The following TRAPPC6A variants were observed in gnomAD, a reference collection of about 807,000 sequenced individuals.
TRAPPC6A encodes the protein trafficking protein particle complex subunit 6A, also known as TRAPP complex subunit 6A.
Under a neutral mutation model 20.8 loss-of-function variants are expected in TRAPPC6A, and 25 were observed. That is an observed-to-expected ratio of 1.20 (90% confidence interval 0.88 to 1.68). The LOEUF is 1.68. Ranked by LOEUF, TRAPPC6A falls within the 40% of genes most tolerant of loss-of-function variation. The pLI, the probability that TRAPPC6A is intolerant of heterozygous loss-of-function variation, is 0.00. For missense variants in TRAPPC6A, 215 were observed against 211.6 expected (o/e 1.02, Z -0.10); for synonymous variants, 96 against 93.3 (o/e 1.03, Z -0.16).
intron 1 of TRAPPC6A, among the ~76,000 whole-genome samples, chr19:45,177,798 G>C (rs560890091): frequency 1.3e-5 from 2 of 152,252 alleles, no homozygotes; most frequent in East Asian, 3.9e-4. Flanking sequence ...GAGAAAACTA[G>C]GACACACAAA....
rs142087502 is a variant in TRAPPC6A at position 45,170,197 on chromosome 19, A to G, written c.85-5003T>C. The stretch of plus-strand genomic sequence containing the variant: ...TTTCCCCTGCAGGCAAGTGCAGCCA[A>G]CCTGAGGGTCAACGCAGGCCACGTT... On this transcript the variant is annotated intron_variant, in intron 1 of 5. Transcript: ENST00000585934. Among the ~76,000 whole-genome samples, 848 of 152,310 alleles carry G rather than the reference A, an allele frequency of 5.6e-3. 11 individuals carry two copies. Among genetic ancestry groups the G allele is most frequent in the African/African-American group, 0.02 (813 of 41,566 alleles).
At chr19:45,176,396 G>A (rs1186523032) in intron 1 of TRAPPC6A, among the ~76,000 whole-genome samples, 2 of 151,934 alleles carry the variant, frequency 1.3e-5, no homozygotes, top group African/African-American at 2.4e-5. Context: ...CCCAGGAGGC[G>A]GAGCTTGCAG....
intron 1 of TRAPPC6A, among the ~76,000 whole-genome samples, chr19:45,168,196 G>T (rs1318273493): frequency 1.3e-5 from 2 of 151,626 alleles, no homozygotes; most frequent in Non-Finnish European, 2.9e-5. Context: ...GCAGGGACGG[G>T]GTTTCACCAT....
intron 1 of TRAPPC6A, among the ~76,000 whole-genome samples, chr19:45,166,889 G>A (rs1969166384): frequency 6.6e-6 from 1 of 152,158 alleles, no homozygotes; most frequent in Non-Finnish European, 1.5e-5. Flanking sequence ...TCCAGCCCTG[G>A]AGCGGGTCTC....
intron 3 of TRAPPC6A, 118 bp from the exon 4 acceptor site, chr19:45,164,365 G>A (rs1255432086): frequency 1.5e-6 from 1 of 686,798 alleles, no homozygotes; most frequent in Non-Finnish European, 2.5e-6. Context: ...CCCTTCCTGA[G>A]AACCACTGGA....
In TRAPPC6A at chr19:45,164,153, TC is replaced by T; in HGVS notation, c.354+10del. On this transcript the variant is annotated intron_variant, in intron 4 of 5. Coordinates refer to ENST00000585934, the MANE Select transcript of TRAPPC6A (RefSeq NM_001270891.2). ...AGGGAGGTGTGGACAAGGCCCCAGC[TC>T]CCCCCATACCTTGGGTGCTTCCTCC... 6 of 1,595,988 alleles carry T rather than the reference TC, an allele frequency of 3.8e-6. No homozygotes were observed. Among genetic ancestry groups the T allele is most frequent in the Non-Finnish European group, 4.3e-6 (5 of 1,171,714 alleles).
At chr19:45,177,011 T>A (rs921181361) in intron 1 of TRAPPC6A, among the ~76,000 whole-genome samples, 23 of 151,072 alleles carry the variant, frequency 1.5e-4, no homozygotes, top group Admixed American at 2.6e-4. Flanking sequence ...CTAAAAAAAA[T>A]AATAATAATA....
At position 45,163,163 on chromosome 19, in the gene TRAPPC6A, C is replaced by T. The variant is rs1416727581; in HGVS notation, c.*29G>A. The T allele has an allele frequency of 6.2e-7, 1 of 1,613,462 alleles. No homozygotes were observed. Among genetic ancestry groups the T allele is most frequent in the East Asian group, 2.2e-5 (1 of 44,848 alleles). On this transcript the variant is annotated 3_prime_UTR_variant, in exon 6 of 6. Transcript: ENST00000585934. This position sits in a 1 kb window ranked among gnomAD's most constrained non-coding sequence, Gnocchi z 5.3. The stretch of plus-strand genomic sequence containing the variant: ...CTGAGGCCGGTGAGGCCAGGGGCAG[C>T]AGTGCGGCTCAGCAGGTGCGAGGCA...
chr19:45,167,575 C>T (rs1030773057), intron 1 of TRAPPC6A, among the ~76,000 whole-genome samples: 7 of 152,208 alleles, frequency 4.6e-5, no homozygotes, highest in Non-Finnish European at 8.8e-5. Flanking sequence ...CTCTGCCTCC[C>T]GGGTTCAAGT....
At chr19:45,169,948 A>G (rs2122842459) in intron 1 of TRAPPC6A, among the ~76,000 whole-genome samples, 1 of 152,218 alleles carries the variant, frequency 6.6e-6, no homozygotes, top group South Asian at 2.1e-4. Flanking sequence ...CCAGGAGCTC[A>G]CCTACCTTGC....
intron 3 of TRAPPC6A, among the ~76,000 whole-genome samples, 189 bp from the exon 4 acceptor site, chr19:45,164,436 G>T (rs79323322): frequency 0.087 from 13,241 of 152,160 alleles, 850 homozygotes; most frequent in Non-Finnish European, 0.13. Flanking sequence ...TGGAGTGGGT[G>T]CCTGTGCCCT....
intron 3 of TRAPPC6A, 52 bp downstream of exon 3, chr19:45,164,801 C>A: frequency 1.3e-6 from 2 of 1,551,374 alleles, no homozygotes; most frequent in East Asian, 4.5e-5. Context: ...CTCCCACTCT[C>A]TTGGTCTTGC....
At chr19:45,177,191 G>GCACA (rs57127361) in intron 1 of TRAPPC6A, among the ~76,000 whole-genome samples, 17,627 of 147,844 alleles carry the variant, frequency 0.12, 1,136 homozygotes, top group South Asian at 0.16. Flanking sequence ...GCGCGTGCGC[G>GCACA]CACACACACA....
At position 45,163,842 on chromosome 19, in the gene TRAPPC6A, G is replaced by C; in HGVS notation, c.448+74C>G. 2.2e-6 allele frequency: 3 copies of C among 1,333,672 alleles called. No homozygotes were observed. The highest frequency in any genetic ancestry group is 2.5e-5 in the East Asian group (1 of 39,788). The allele number at this position is 1,333,672 out of a possible 1,614,324, so 82.6% of individuals were successfully genotyped here. A position where few individuals can be genotyped will look rare whatever the true frequency, so the allele number is the denominator to read the frequency against. ...GGCCTGCCTCCCAGGCACACACACA[G>C]GAGTGGGGCTGGAACTCTGAAGCCC... On this transcript the variant is annotated intron_variant, in intron 5 of 5. Coordinates refer to ENST00000585934, the MANE Select transcript of TRAPPC6A (RefSeq NM_001270891.2). The surrounding 1 kb of genome is among the most constrained non-coding windows in gnomAD (Gnocchi z 5.3).
chr19:45,170,050 A>G (rs374320190), intron 1 of TRAPPC6A, among the ~76,000 whole-genome samples: 93 of 152,300 alleles, frequency 6.1e-4, no homozygotes, highest in African/African-American at 2.1e-3. Context: ...AGTGCAGTGC[A>G]GAGCCTGCCC....
Position 45,163,121 on chromosome 19 carries a change from A to G in TRAPPC6A, c.*71T>C. ...GATTCCCAAGACCACCCCGAAATGC[A>G]GCGGCCCCACCGTCTCCTGAGGCCG... On this transcript the variant is annotated 3_prime_UTR_variant, in exon 6 of 6. Coordinates refer to ENST00000585934, the MANE Select transcript of TRAPPC6A (RefSeq NM_001270891.2). This position sits in a 1 kb window ranked among gnomAD's most constrained non-coding sequence, Gnocchi z 5.3. The G allele has an allele frequency of 1.9e-6, 3 of 1,581,872 alleles. No homozygotes were observed. In the South Asian group the frequency reaches 3.3e-5, roughly 18 times the overall value.
In TRAPPC6A at chr19:45,164,923, T is replaced by C. The variant is rs748877577; in HGVS notation, c.200A>G (p.Lys67Arg). The C allele has an allele frequency of 6.2e-7, 1 of 1,614,130 alleles. No individual in the cohort carries two copies. Among genetic ancestry groups the C allele is most frequent in the African/African-American group, 1.3e-5 (1 of 75,046 alleles). Reference sequence around the variant, plus strand: ...CACCCACAGGTCTTTGCACAAGAACTTGAGGACATCCAGCTCCTCCCTGAA... The same window carrying C: ...CACCCACAGGTCTTTGCACAAGAACCTGAGGACATCCAGCTCCTCCCTGAA... Reference protein sequence around the residue: ...LAFREELDVLKFLCKDLWVAV... With the variant: ...LAFREELDVLRFLCKDLWVAV... Residue 67 changes from lysine to arginine, a missense_variant, in exon 3 of 6, where the codon AAG (lysine) becomes AGG (arginine). Physicochemically the swap from Lys to Arg is conservative, Grantham distance 26. Coordinates refer to ENST00000585934, the MANE Select transcript of TRAPPC6A (RefSeq NM_001270891.2).
In TRAPPC6A at chr19:45,164,835, AG is replaced by A. The variant is rs773373509; in HGVS notation, c.270+17del. 2.5e-6 allele frequency: 4 copies of A among 1,605,916 alleles called. No individual in the cohort carries two copies. Among genetic ancestry groups the A allele is most frequent in the African/African-American group, 1.3e-5 (1 of 74,758 alleles). ...GCCCTCAGGAGGAAGCTGGACGGGC[AG>A]GCCGGGGTGCTCCCACCTGGTGATT... is the stretch of plus-strand genomic sequence containing the variant. On this transcript the variant is annotated intron_variant, in intron 3 of 5. Transcript: ENST00000585934.
chr19:45,172,544 C>G lies in TRAPPC6A; in HGVS notation c.84+5591G>C, dbSNP rs1473194388. On this transcript the variant is annotated intron_variant, in intron 1 of 5. Coordinates refer to ENST00000585934, the MANE Select transcript of TRAPPC6A (RefSeq NM_001270891.2). This position sits in a 1 kb window ranked among gnomAD's most constrained non-coding sequence, Gnocchi z 4.2. ...AAGGAGCAGCCCTGGTTAAGAAAAG[C>G]ACACAGACAGAAGTGCTGGCACACA... Among the ~76,000 whole-genome samples the G allele has an allele frequency of 6.6e-6, 1 of 151,660 alleles. No homozygotes were observed. Among genetic ancestry groups the G allele is most frequent in the East Asian group, 1.9e-4 (1 of 5,192 alleles).
Sources: allele counts gnomAD v4.1 joint callset (sites outside exome capture counted in the v4.1 genomes callset), GRCh38; gene constraint gnomAD v4.1.1; non-coding constraint Gnocchi (gnomAD v3.1); transcripts MANE v1.5; gene names NCBI Gene and HGNC (gene_info 2026-07-23, HGNC 2026-07-21).